MARCHF1: variants seen among roughly 807,000 people sequenced by gnomAD.
MARCHF1 encodes membrane associated ring-CH-type finger 1.
MARCHF1 carries 40 observed loss-of-function variants against 54.2 expected under a neutral mutation model. That is an observed-to-expected ratio of 0.74 (90% CI 0.57 to 0.96). MARCHF1 has a LOEUF of 0.96. Among genes scored for constraint, MARCHF1 ranks in the 40% least tolerant of loss-of-function variants. The pLI, the probability that MARCHF1 is intolerant of heterozygous loss-of-function variation, is 0.00. For missense variants in MARCHF1, 586 were observed against 656.5 expected, an observed-to-expected ratio of 0.89 and a Z score of 1.17; for synonymous variants, 236 against 236.3, an observed-to-expected ratio of 1.00 and a Z score of 0.01.
intron 4 of MARCHF1, among the ~76,000 whole-genome samples, chr4:163,826,072 C>G (rs1330911254): frequency 6.6e-6 from 1 of 151,890 alleles, no homozygotes; most frequent in African/African-American, 2.4e-5. Flanking sequence ...TTTTATAGAC[C>G]TCGAATACTG....
intron 3 of MARCHF1, among the ~76,000 whole-genome samples, chr4:163,899,583 C>T (rs1031047723): frequency 3.3e-5 from 5 of 152,234 alleles, no homozygotes; most frequent in African/African-American, 1.2e-4. Flanking sequence ...CTGATATCAA[C>T]AGTCTCATTG....
rs6536746 is a variant in MARCHF1, at chr4:163,668,327, T to C, written c.162+32486A>G. 7.5e-3 allele frequency among the ~76,000 whole-genome samples: 1,140 copies of C among 152,200 alleles called. 12 individuals carry two copies. Among genetic ancestry groups the C allele is most frequent in the African/African-American group, 0.026 (1,068 of 41,532 alleles). On this transcript the variant is annotated intron_variant, in intron 5 of 9. Coordinates refer to ENST00000514618, the MANE Select transcript of MARCHF1 (RefSeq NM_001394959.1). Reference sequence around the variant, plus strand: ...GCTAAGTGCCAATAAAGAAAATGAGTAAGAAAGACATAGTAAGTACCTGCC... The same window carrying C: ...GCTAAGTGCCAATAAAGAAAATGAGCAAGAAAGACATAGTAAGTACCTGCC...
At chr4:164,012,655 A>G (rs1579459970) in intron 2 of MARCHF1, among the ~76,000 whole-genome samples, 2 of 152,226 alleles carry the variant, frequency 1.3e-5, no homozygotes, top group Non-Finnish European at 2.9e-5. Flanking sequence ...GAGTGTCCAC[A>G]TCACCCCTTT....
chr4:164,184,121 T>C (rs916283647), intron 1 of MARCHF1, among the ~76,000 whole-genome samples: 2 of 152,114 alleles, frequency 1.3e-5, no homozygotes, highest in African/African-American at 2.4e-5. Flanking sequence ...GGTTCAGATA[T>C]AGGTATTGCT....
At chr4:163,876,015 T>C (rs1377227224) in intron 3 of MARCHF1, among the ~76,000 whole-genome samples, 1 of 152,100 alleles carries the variant, frequency 6.6e-6, no homozygotes, top group East Asian at 1.9e-4. Context: ...AAAGTAAATA[T>C]TAGAGTTGGA....
chr4:163,820,829 A>G (rs1748672375), intron 4 of MARCHF1, among the ~76,000 whole-genome samples: 1 of 151,924 alleles, frequency 6.6e-6, no homozygotes, highest in Admixed American at 6.6e-5. Flanking sequence ...AGTCCATGTT[A>G]TTATCATCTC....
intron 2 of MARCHF1, among the ~76,000 whole-genome samples, chr4:164,100,413 T>G (rs920054899): frequency 4.6e-5 from 7 of 152,234 alleles, no homozygotes; most frequent in Non-Finnish European, 7.3e-5. Context: ...TAGCATTCAT[T>G]TAAACATTTA....
In MARCHF1 at chr4:164,198,609, C is replaced by CAGGAATTTA. The variant is rs540359894; in HGVS notation, c.-322-86948_-322-86947insTAAATTCCT. Among the ~76,000 whole-genome samples, 56 of 152,228 alleles carry CAGGAATTTA rather than the reference C, an allele frequency of 3.7e-4. No individual in the cohort carries two copies. In the East Asian group the frequency reaches 9.1e-3, roughly 25 times the overall value. On this transcript the variant is annotated intron_variant, in intron 1 of 9. Coordinates refer to ENST00000514618, the MANE Select transcript of MARCHF1 (RefSeq NM_001394959.1). The stretch of plus-strand genomic sequence containing the variant: ...AGGCTATGGGATTTGTGGAAAAACA[C>CAGGAATTTA]TCAGGAAGAAGATAAATTAATATAG...
chr4:163,623,270 G>A (rs1741749308), intron 5 of MARCHF1, among the ~76,000 whole-genome samples: 1 of 152,122 alleles, frequency 6.6e-6, no homozygotes, highest in Admixed American at 6.5e-5. Context: ...AAGGAGGTGA[G>A]GATCCATTAT....
intron 5 of MARCHF1, among the ~76,000 whole-genome samples, chr4:163,631,674 C>G (rs1213922198): frequency 6.6e-6 from 1 of 151,974 alleles, no homozygotes; most frequent in African/African-American, 2.4e-5. Context: ...ACAAACAATA[C>G]AAGATAAAGT....
Position 164,106,273 on chromosome 4 carries a change from C to A in MARCHF1, c.-248+5315G>T, listed in dbSNP as rs1297581727. Among the ~76,000 whole-genome samples the A allele has an allele frequency of 1.7e-3, 200 of 115,930 alleles. 3 individuals carry two copies. The highest frequency in any genetic ancestry group is 7.2e-3 in the African/African-American group (185 of 25,846). 76.1% of individuals were successfully genotyped at this position (115,930 alleles called of 152,430 possible). On this transcript the variant is annotated intron_variant, in intron 2 of 9. Transcript: ENST00000514618. ...CAGCCATCCCATTACTGGGTATATA[C>A]CCAAAGGACTATAAATCATGCTGCT...
intron 1 of MARCHF1, among the ~76,000 whole-genome samples, chr4:164,326,384 A>G (rs1266058055): frequency 6.6e-6 from 1 of 152,222 alleles, no homozygotes; most frequent in Admixed American, 6.5e-5. Flanking sequence ...TCATGACCGA[A>G]AAGTTGTTAT....
chr4:163,554,530 C>T (rs570683416), intron 8 of MARCHF1, among the ~76,000 whole-genome samples: 2 of 152,242 alleles, frequency 1.3e-5, no homozygotes, highest in South Asian at 4.1e-4. Flanking sequence ...AGGCTTGGAG[C>T]GAAGCAACTA....
intron 8 of MARCHF1, among the ~76,000 whole-genome samples, chr4:163,573,299 T>TTAA (rs1401189549): frequency 2.0e-5 from 1 of 49,220 alleles, no homozygotes; most frequent in South Asian, 5.0e-4. Flanking sequence ...TTTTCTCTTA[T>TTAA]TATTATTATT....
intron 1 of MARCHF1, among the ~76,000 whole-genome samples, chr4:164,194,204 AAAAG>A (rs1365365993): frequency 2.0e-5 from 3 of 152,236 alleles, no homozygotes; most frequent in Non-Finnish European, 4.4e-5. Context: ...TGAAAAGAGA[AAAAG>A]AAACATAATT....
intron 2 of MARCHF1, among the ~76,000 whole-genome samples, chr4:163,989,687 T>G (rs2110889831): frequency 6.6e-6 from 1 of 152,360 alleles, no homozygotes; most frequent in South Asian, 2.1e-4. Flanking sequence ...ATTCTTAAAT[T>G]ACATTAACTT....
chr4:163,972,080 C>T (rs1043245373), intron 3 of MARCHF1, among the ~76,000 whole-genome samples: 1 of 152,144 alleles, frequency 6.6e-6, no homozygotes, highest in Non-Finnish European at 1.5e-5. Flanking sequence ...CCATCATTCT[C>T]AGCAAACTAA....
intron 4 of MARCHF1, among the ~76,000 whole-genome samples, chr4:163,784,864 A>C (rs1265719968): frequency 6.6e-6 from 1 of 152,080 alleles, no homozygotes; most frequent in Non-Finnish European, 1.5e-5. Context: ...TTCCCACAAA[A>C]ATATATTCCG....
chr4:163,953,819 T>C (rs1264611521), intron 3 of MARCHF1, among the ~76,000 whole-genome samples: 1 of 152,220 alleles, frequency 6.6e-6, no homozygotes, highest in African/African-American at 2.4e-5. Flanking sequence ...AATACATATA[T>C]GCTCATTTCT....
Sources: allele counts gnomAD v4.1 joint callset (sites outside exome capture counted in the v4.1 genomes callset), GRCh38; gene constraint gnomAD v4.1.1; transcripts MANE v1.5; gene names NCBI Gene and HGNC (gene_info 2026-07-23, HGNC 2026-07-21).